The following EP400 variants were observed in gnomAD, a reference collection of about 807,000 sequenced individuals.
EP400 encodes the protein E1A binding protein p400.
EP400 carries 105 observed loss-of-function variants against 354.1 expected under a neutral mutation model. That is an observed-to-expected ratio of 0.30 (90% CI 0.25 to 0.35). EP400 has a LOEUF of 0.35. Ranked by LOEUF, EP400 falls within the 10% of genes least tolerant of loss-of-function variation. The pLI is 1.00. For synonymous variants in EP400, 1,646 were observed against 1,716.9 expected (o/e 0.96, Z 1.02); for missense variants, 3,280 against 4,121.0 (o/e 0.80, Z 5.59).
At chr12:131,980,613 A>G (rs897898452) in intron 3 of EP400, among the ~76,000 whole-genome samples, 4 of 152,050 alleles carry the variant, frequency 2.6e-5, no homozygotes, top group African/African-American at 9.7e-5. Context: ...TGGCATCATC[A>G]TGGCTCACTG....
At position 132,038,288 on chromosome 12, in the gene EP400, G is replaced by A. The variant is rs537534624; in HGVS notation, c.6207+192G>A. On this transcript the variant is annotated intron_variant, in intron 32 of 52. Coordinates refer to ENST00000389561, the MANE Select transcript of EP400 (RefSeq NM_015409.5). The surrounding 1 kb of genome is among the most constrained non-coding windows in gnomAD (Gnocchi z 4.2). ...GATTTTGAACTGTAAATACAAGTGA[G>A]GGGAATGGTGGCGAAGGTCGCGGAC... Among the ~76,000 whole-genome samples, 2 of 152,344 alleles carry A rather than the reference G, an allele frequency of 1.3e-5. No individual in the cohort carries two copies. Among genetic ancestry groups the A allele is most frequent in the Admixed American group, 6.5e-5 (1 of 15,306 alleles).
At chr12:132,008,382 A>G (rs1893655316) in intron 15 of EP400, among the ~76,000 whole-genome samples, 1 of 152,194 alleles carries the variant, frequency 6.6e-6, no homozygotes, top group African/African-American at 2.4e-5. Flanking sequence ...GCATAAGCAG[A>G]TCAACTTCTG....
At chr12:131,967,926 A>G (rs1892158133) in intron 2 of EP400, among the ~76,000 whole-genome samples, 1 of 152,224 alleles carries the variant, frequency 6.6e-6, no homozygotes, top group African/African-American at 2.4e-5. Flanking sequence ...TATCTTTGAC[A>G]AAGTATCTGT....
chr12:132,016,618 C>T (rs1893943453), intron 19 of EP400, among the ~76,000 whole-genome samples: 1 of 152,164 alleles, frequency 6.6e-6, no homozygotes, highest in Non-Finnish European at 1.5e-5. Flanking sequence ...GTGATCCGCC[C>T]ACCTTGGCCT....
intron 12 of EP400, among the ~76,000 whole-genome samples, chr12:131,995,482 A>G (rs1276357173): frequency 6.7e-6 from 1 of 149,930 alleles, no homozygotes; most frequent in Admixed American, 6.6e-5. Context: ...TGAGAACTTC[A>G]TGTGAATGAA....
intron 30 of EP400, among the ~76,000 whole-genome samples, chr12:132,037,422 C>T (rs528630116): frequency 2.6e-5 from 4 of 152,196 alleles, no homozygotes; most frequent in South Asian, 2.1e-4. Flanking sequence ...GGGAGAAAAA[C>T]GGGATGGCGG....
intron 5 of EP400, among the ~76,000 whole-genome samples, chr12:131,985,640 T>G (rs569170433): frequency 6.6e-6 from 1 of 152,184 alleles, no homozygotes; most frequent in African/African-American, 2.4e-5. Flanking sequence ...GGAGTTTTGC[T>G]CTTGTTCCCC....
chr12:132,000,524 T>G (rs1383851246), intron 12 of EP400, among the ~76,000 whole-genome samples: 2 of 152,270 alleles, frequency 1.3e-5, no homozygotes, highest in Non-Finnish European at 2.9e-5. Context: ...TTTTGTCTTC[T>G]TGCTCTATCA....
In EP400 at chr12:132,028,274, G is replaced by T; in HGVS notation, c.5367G>T (p.Gln1789His). The T allele has an allele frequency of 6.2e-7, 1 of 1,613,788 alleles. No individual in the cohort carries two copies. Among genetic ancestry groups the T allele is most frequent in the Non-Finnish European group, 8.5e-7 (1 of 1,179,668 alleles). ...LTLCRCGESL[Q>H]DVIDRVAFVI... ...TTTGTCGGTGTGGAGAGTCTCTGCA[G>T]GATGTTATTGACAGGTACTGCAGAC... is the stretch of plus-strand genomic sequence containing the variant. Residue 1789 changes from glutamine to histidine, a missense_variant, in exon 27 of 53, where the codon CAG (glutamine) becomes CAT (histidine). By Grantham distance (24) the Gln-to-His change is conservative. This residue lies in a region of EP400 where 459 missense variants were observed against 496.9 expected (regional missense o/e 0.92). Coordinates refer to ENST00000389561, the MANE Select transcript of EP400 (RefSeq NM_015409.5).
rs146650379 is a variant in EP400, at chr12:131,982,421, C to T, written c.1872C>T (p.His624=). 193 of 1,614,146 alleles carry T rather than the reference C, an allele frequency of 1.2e-4. No individual in the cohort carries two copies. The highest frequency in any genetic ancestry group is 1.5e-4 in the Non-Finnish European group (178 of 1,180,004). ...CGCAGCCTGCACAGCTGGCCCTCCA[C>T]GTTCCCACACCTGGAAAGGTGCAGG... ...PPSQPAQLAL[H]VPTPGKVQVQ... is the part of the protein sequence containing the mutation. The change falls in exon 5 of 53, where the codon CAC becomes CAT. Residue 624 remains histidine (H), a synonymous_variant. Transcript: ENST00000389561.
intron 30 of EP400, among the ~76,000 whole-genome samples, chr12:132,032,821 G>A (rs1369723934): frequency 6.6e-6 from 1 of 152,112 alleles, no homozygotes; most frequent in East Asian, 1.9e-4. Flanking sequence ...AGTAGAGACG[G>A]AGTTTTACCA....
intron 14 of EP400, among the ~76,000 whole-genome samples, 194 bp downstream of exon 14, chr12:132,006,496 G>C (rs922394629): frequency 6.6e-6 from 1 of 152,226 alleles, no homozygotes; most frequent in Admixed American, 6.5e-5. Flanking sequence ...CTTAAGGCCA[G>C]ATGTTCAGGC....
chr12:131,997,648 G>A (rs1481544834), intron 12 of EP400, among the ~76,000 whole-genome samples: 1 of 151,794 alleles, frequency 6.6e-6, no homozygotes, highest in East Asian at 1.9e-4. Context: ...AAATAAGGAA[G>A]AGAAAATACA....
chr12:131,952,641 A>G (rs922606447), intron 1 of EP400, among the ~76,000 whole-genome samples: 2 of 151,948 alleles, frequency 1.3e-5, no homozygotes, highest in African/African-American at 2.4e-5. Flanking sequence ...TTGTAGAGAC[A>G]CTATCTCACT....
rs752664283 is a variant in EP400, at chr12:132,043,433, T to G, written c.6337T>G (p.Leu2113Val). ...GCCGTGTGATGAAGAACCATCCCAA[T>G]TAGAGGAGCTAGCTGACTTCATGGA... ...NMPCDEEPSQ[L>V]EELADFMEQL... The change falls in exon 33 of 53, where the codon TTA becomes GTA. Residue 2113 changes from leucine to valine, a missense_variant. Transcript: ENST00000389561. 6 of 1,613,182 alleles carry G rather than the reference T, an allele frequency of 3.7e-6. No individual in the cohort carries two copies. The Admixed American group carries it at 1.0e-4, about 27-fold the overall frequency.
At chr12:131,973,877 T>A (rs1457064964) in intron 2 of EP400, among the ~76,000 whole-genome samples, 2 of 152,170 alleles carry the variant, frequency 1.3e-5, no homozygotes, top group Admixed American at 1.3e-4. Context: ...AACCTCCTGA[T>A]TGGAGCATTT....
chr12:131,995,198 T>C (rs960648660), intron 12 of EP400, among the ~76,000 whole-genome samples: 2 of 152,242 alleles, frequency 1.3e-5, no homozygotes, highest in Non-Finnish European at 2.9e-5. Context: ...TCCCTGAATG[T>C]ACCGTTCATC....
chr12:132,041,645 AGCAC>A (rs1894913525), intron 32 of EP400, among the ~76,000 whole-genome samples: 1 of 152,108 alleles, frequency 6.6e-6, no homozygotes, highest in Non-Finnish European at 1.5e-5. Flanking sequence ...TCTTTTGGTA[AGCAC>A]GTATGTGCAA....
At chr12:131,975,471 A>C (rs935893649) in intron 2 of EP400, among the ~76,000 whole-genome samples, 11 of 151,976 alleles carry the variant, frequency 7.2e-5, no homozygotes, top group Non-Finnish European at 1.0e-4. Context: ...TGGTTCCTGG[A>C]GTCTTGGGGC....
Sources: allele counts gnomAD v4.1 joint callset (sites outside exome capture counted in the v4.1 genomes callset), GRCh38; gene constraint gnomAD v4.1.1; regional missense constraint gnomAD v4.1.1; non-coding constraint Gnocchi (gnomAD v3.1); transcripts MANE v1.5; gene names NCBI Gene and HGNC (gene_info 2026-07-23, HGNC 2026-07-21).